Variants in ATAD2B observed in about 807,000 individuals in gnomAD.
ATAD2B encodes ATPase family AAA domain containing 2B.
ATAD2B carries 40 observed loss-of-function variants against 167.6 expected under a neutral mutation model. That is an observed-to-expected ratio of 0.24 (90% CI 0.19 to 0.31). The LOEUF (loss-of-function observed/expected upper bound fraction) is 0.31. Ranked by LOEUF, ATAD2B falls within the 10% of genes least tolerant of loss-of-function variation. The pLI is 1.00. For synonymous variants in ATAD2B, 579 were observed against 596.5 expected, an observed-to-expected ratio of 0.97 and a Z score of 0.43; for missense variants, 1,242 against 1,757.2, an observed-to-expected ratio of 0.71 and a Z score of 5.24.
intron 20 of ATAD2B, 58 bp from the exon 21 acceptor site, chr2:23,786,281 T>G: frequency 2.2e-6 from 3 of 1,350,892 alleles, no homozygotes; most frequent in Non-Finnish European, 3.0e-6. Flanking sequence ...GACCCTTTTT[T>G]GGCATTCTCT....
intron 17 of ATAD2B, among the ~76,000 whole-genome samples, chr2:23,811,034 CAAACAAACA>C (rs1685499809): frequency 7.5e-6 from 1 of 134,134 alleles, no homozygotes; most frequent in East Asian, 2.0e-4. Context: ...AACAAACAAA[CAAACAAACA>C]AACAAATAAT....
At chr2:23,718,355 G>C in the ATAD2B span, among the ~76,000 whole-genome samples, 1 of 152,200 alleles carries the variant, frequency 6.6e-6, no homozygotes, top group Non-Finnish European at 1.5e-5. Context: ...CATGATAGCA[G>C]AAGTATTCCT....
At chr2:23,912,293 T>C (rs1702425981) in intron 1 of ATAD2B, among the ~76,000 whole-genome samples, 1 of 151,924 alleles carries the variant, frequency 6.6e-6, no homozygotes, top group African/African-American at 2.4e-5. Flanking sequence ...GTCTAGGAAT[T>C]TGAGGCCAGC....
Position 23,754,249 on chromosome 2 carries a change from C to A in ATAD2B, c.4265G>T (p.Arg1422Ile). ...ACACTGACTAAGAAGAGAATATAATCTCTCAAGCTGATCAACTGCCAGATT... is the reference window on the plus strand; with the variant it reads ...ACACTGACTAAGAAGAGAATATAATATCTCAAGCTGATCAACTGCCAGATT... ...SNNLAVDQLE[R>I]LYSLLSQCIY... The change falls in exon 27 of 28, where the codon AGA (arginine) becomes ATA (isoleucine). Residue 1422 changes from arginine (R) to isoleucine (I), a missense_variant. Physicochemically the swap from Arg to Ile is moderately conservative, Grantham distance 97. This residue lies in a region of ATAD2B where 282 missense variants were observed against 346.8 expected (regional missense o/e 0.81). Coordinates refer to ENST00000238789, the MANE Select transcript of ATAD2B (RefSeq NM_017552.4). 6.4e-7 allele frequency: 1 copy of A among 1,565,752 alleles called. No individual in the cohort carries two copies. Among genetic ancestry groups the A allele is most frequent in the Non-Finnish European group, 8.7e-7 (1 of 1,154,226 alleles).
At chr2:23,873,111 G>C (rs1453494803) in intron 8 of ATAD2B, 3 of 418,920 alleles carry the variant, frequency 7.2e-6, no homozygotes, top group Non-Finnish European at 1.3e-5. Flanking sequence ...TTGCAATTTT[G>C]ATATTTATCC....
At chr2:23,835,824 T>C (rs1234121910) in intron 13 of ATAD2B, among the ~76,000 whole-genome samples, 3 of 151,824 alleles carry the variant, frequency 2.0e-5, no homozygotes, top group African/African-American at 7.3e-5. Context: ...TAATCCCAGC[T>C]ACTTGGAAGG....
At chr2:23,849,761 G>T (rs1250957961) in intron 13 of ATAD2B, among the ~76,000 whole-genome samples, 3 of 152,146 alleles carry the variant, frequency 2.0e-5, no homozygotes, top group Non-Finnish European at 4.4e-5. Flanking sequence ...CTTGGAGGCG[G>T]AGGTTGCAGT....
At chr2:23,808,158 TTA>T (rs1207365488) in intron 18 of ATAD2B, among the ~76,000 whole-genome samples, 2 of 85,892 alleles carry the variant, frequency 2.3e-5, no homozygotes, top group African/African-American at 9.8e-5. Context: ...TATATGTTAT[TTA>T]TATATAAGTG....
chr2:23,913,172 T>C (rs961088779), intron 1 of ATAD2B, among the ~76,000 whole-genome samples: 2 of 152,078 alleles, frequency 1.3e-5, no homozygotes, highest in Non-Finnish European at 2.9e-5. Flanking sequence ...CAATAAACAT[T>C]TACCAAAACT....
chr2:23,695,564 G>A, the ATAD2B span: 100 of 1,222,362 alleles, frequency 8.2e-5, no homozygotes, highest in South Asian at 1.2e-4. The surrounding 1 kb of genome is among the most constrained non-coding windows in gnomAD (Gnocchi z 7.6). Context: ...ATTTCTTTCC[G>A]TCCGGGAGGT....
At chr2:23,800,621 T>C (rs895779757) in intron 18 of ATAD2B, among the ~76,000 whole-genome samples, 1 of 152,280 alleles carries the variant, frequency 6.6e-6, no homozygotes, top group Non-Finnish European at 1.5e-5. Context: ...TAACATGATA[T>C]TGAACTCAAA....
chr2:23,844,998 A>T (rs112888800), intron 13 of ATAD2B, among the ~76,000 whole-genome samples: 3 of 152,150 alleles, frequency 2.0e-5, no homozygotes, highest in African/African-American at 7.2e-5. Flanking sequence ...TACATTACAT[A>T]CAAAGAAACA....
intron 13 of ATAD2B, among the ~76,000 whole-genome samples, chr2:23,844,809 C>T (rs559319151): frequency 2.6e-4 from 40 of 151,026 alleles, no homozygotes; most frequent in Non-Finnish European, 4.4e-4. Flanking sequence ...GAGGTGGGGA[C>T]GACAGAAAAA....
At chr2:23,901,898 A>G (rs1389469982) in intron 1 of ATAD2B, among the ~76,000 whole-genome samples, 1 of 152,198 alleles carries the variant, frequency 6.6e-6, no homozygotes, top group Admixed American at 6.5e-5. Context: ...ACAAAAAAAA[A>G]AGTAGTAAAA....
intron 22 of ATAD2B, among the ~76,000 whole-genome samples, chr2:23,772,206 AAAG>A (rs1156363003): frequency 1.1e-4 from 17 of 152,222 alleles, no homozygotes; most frequent in African/African-American, 2.9e-4. Flanking sequence ...CAGAAGAAGA[AAAG>A]AAGAAGTCTC....
intron 20 of ATAD2B, 147 bp from the exon 21 acceptor site, chr2:23,786,370 C>T: frequency 1.4e-6 from 1 of 713,808 alleles, no homozygotes; most frequent in Non-Finnish European, 2.3e-6. Flanking sequence ...AAGAAATGTG[C>T]AGTTAGGCAA....
At chr2:23,828,988 A>G (rs1440320480) in intron 14 of ATAD2B, 49 bp from the exon 15 acceptor site, 1 of 1,255,684 alleles carries the variant, frequency 8.0e-7, no homozygotes, top group East Asian at 2.3e-5. Flanking sequence ...GAAGAAAAGT[A>G]CAGATAAAAT....
intron 21 of ATAD2B, among the ~76,000 whole-genome samples, chr2:23,784,092 A>G (rs1350327904): frequency 6.6e-6 from 1 of 152,098 alleles, no homozygotes; most frequent in Non-Finnish European, 1.5e-5. Flanking sequence ...ATACTGAAAC[A>G]AACTACCTCA....
At chr2:23,734,323 A>T in the ATAD2B span, among the ~76,000 whole-genome samples, 2 of 151,744 alleles carry the variant, frequency 1.3e-5, no homozygotes, top group African/African-American at 4.8e-5. Flanking sequence ...CGCCTGGCTA[A>T]TTTTTTTGCA....
Sources: gnomAD v4.1 joint callset for allele counts (sites outside exome capture counted in the v4.1 genomes callset) on GRCh38, gnomAD v4.1.1 for gene constraint, gnomAD v4.1.1 regional missense constraint, Gnocchi (gnomAD v3.1) non-coding constraint, MANE v1.5 for transcripts, NCBI Gene and HGNC (gene_info 2026-07-23, HGNC 2026-07-21) for gene names.